DLG2: variants seen among roughly 807,000 people sequenced by gnomAD.
DLG2 encodes disks large homolog 2.
Under a neutral mutation model 132.5 loss-of-function variants are expected in DLG2, and 45 were observed. That is an observed-to-expected ratio of 0.34 (90% CI 0.27 to 0.44). The LOEUF is 0.44. Ranked by LOEUF, DLG2 falls within the 20% of genes least tolerant of loss-of-function variation. DLG2 has a pLI of 1.00. For synonymous variants in DLG2, 424 were observed against 419.6 expected (o/e 1.01, Z -0.13); for missense variants, 1,045 against 1,196.9 (o/e 0.87, Z 1.87).
intron 6 of DLG2, among the ~76,000 whole-genome samples, chr11:85,032,442 A>G (rs1291164210): frequency 1.3e-5 from 2 of 152,202 alleles, no homozygotes; most frequent in Non-Finnish European, 2.9e-5. Context: ...TTGAGAATGA[A>G]TATATGGCAA....
At chr11:83,802,907 G>A (rs983086127) in intron 17 of DLG2, among the ~76,000 whole-genome samples, 3 of 152,042 alleles carry the variant, frequency 2.0e-5, no homozygotes, top group Non-Finnish European at 4.4e-5. Flanking sequence ...GAGAAATGCT[G>A]AAGAGGAGAG....
chr11:85,598,293 A>T (rs547510832), intron 3 of DLG2, among the ~76,000 whole-genome samples: 1 of 152,206 alleles, frequency 6.6e-6, no homozygotes, highest in East Asian at 1.9e-4. Flanking sequence ...ATGTTACACA[A>T]TTCCTTCCCT....
At chr11:83,669,028 A>G (rs2076365175) in intron 18 of DLG2, among the ~76,000 whole-genome samples, 1 of 152,054 alleles carries the variant, frequency 6.6e-6, no homozygotes, top group Non-Finnish European at 1.5e-5. Flanking sequence ...TTATGGCCAA[A>G]GAATTTCCTG....
At chr11:84,613,939 A>T (rs767433159) in intron 6 of DLG2, among the ~76,000 whole-genome samples, 1 of 152,120 alleles carries the variant, frequency 6.6e-6, no homozygotes, top group Non-Finnish European at 1.5e-5. Flanking sequence ...CCTCTCTTTC[A>T]TATTTGTAAA....
chr11:84,704,617 A>G (rs897956067), intron 6 of DLG2, among the ~76,000 whole-genome samples: 2 of 151,620 alleles, frequency 1.3e-5, no homozygotes, highest in South Asian at 4.1e-4. Context: ...TACAACCTAA[A>G]TTTTCTACAT....
In DLG2 at chr11:85,158,429, A is replaced by C. The variant is rs2077755867; in HGVS notation, c.187-3778T>G. ...TGGTTTAATGTAGAGGAAGGGATCC[A>C]AAGGCTTAGGGAGATTGGGATGGTG... On this transcript the variant is annotated intron_variant, in intron 4 of 27. Transcript: ENST00000376104. Among the ~76,000 whole-genome samples, 2 of 152,218 alleles carry C rather than the reference A, an allele frequency of 1.3e-5. 1 individual carries two copies. The highest frequency in any genetic ancestry group is 1.3e-4 in the Admixed American group (2 of 15,280).
At chr11:83,661,821 G>A (rs1342301287) in intron 18 of DLG2, among the ~76,000 whole-genome samples, 1 of 152,136 alleles carries the variant, frequency 6.6e-6, no homozygotes, top group African/African-American at 2.4e-5. Context: ...AAGACATAGT[G>A]ACCTCCTATT....
At chr11:84,042,330 A>G (rs1419300236) in intron 11 of DLG2, among the ~76,000 whole-genome samples, 3 of 151,784 alleles carry the variant, frequency 2.0e-5, no homozygotes, top group Non-Finnish European at 4.4e-5. Context: ...ATTTTGTATG[A>G]TGTCTTAATA....
chr11:85,302,743 G>A lies in DLG2; in HGVS notation c.41-17378C>T, dbSNP rs1596074624. 2.6e-5 allele frequency among the ~76,000 whole-genome samples: 4 copies of A among 152,058 alleles called. 1 individual carries two copies. Among genetic ancestry groups the A allele is most frequent in the Middle Eastern group, 6.9e-3 (2 of 288 alleles). ...ACATTCAGCGTAATAGTAGAGATGAGATTTGGGAGAATGGCTGTTGAGGAT... is the reference window on the plus strand; with the variant it reads ...ACATTCAGCGTAATAGTAGAGATGAAATTTGGGAGAATGGCTGTTGAGGAT... On this transcript the variant is annotated intron_variant, in intron 3 of 27. Coordinates refer to ENST00000376104, the MANE Select transcript of DLG2 (RefSeq NM_001142699.3).
At chr11:84,730,751 A>G (rs956586974) in intron 6 of DLG2, among the ~76,000 whole-genome samples, 2 of 151,988 alleles carry the variant, frequency 1.3e-5, no homozygotes, top group African/African-American at 4.8e-5. Flanking sequence ...CATGAACTAA[A>G]TGAGGTGTCT....
At chr11:84,663,608 A>G (rs1565596819) in intron 6 of DLG2, among the ~76,000 whole-genome samples, 1 of 152,088 alleles carries the variant, frequency 6.6e-6, no homozygotes, top group Non-Finnish European at 1.5e-5. Flanking sequence ...GAGTGACTCT[A>G]GTTTCTTTAG....
chr11:84,126,360 T>C (rs771891015), intron 9 of DLG2, among the ~76,000 whole-genome samples: 1 of 151,966 alleles, frequency 6.6e-6, no homozygotes, highest in Non-Finnish European at 1.5e-5. Flanking sequence ...GAAAATACAG[T>C]AGAAAAAAAT....
chr11:84,759,740 C>G (rs2067352948), intron 6 of DLG2, among the ~76,000 whole-genome samples: 1 of 151,962 alleles, frequency 6.6e-6, no homozygotes, highest in Non-Finnish European at 1.5e-5. Context: ...TCCATTGCAA[C>G]AAAAACTTGT....
intron 11 of DLG2, among the ~76,000 whole-genome samples, chr11:84,038,484 C>T (rs1437353466): frequency 6.6e-6 from 1 of 151,766 alleles, no homozygotes; most frequent in Non-Finnish European, 1.5e-5. Context: ...ATTATAAAAA[C>T]TTTGTGTTTT....
At chr11:83,746,349 T>C (rs1015698325) in intron 18 of DLG2, among the ~76,000 whole-genome samples, 2 of 152,154 alleles carry the variant, frequency 1.3e-5, no homozygotes, top group African/African-American at 4.8e-5. Context: ...AATGATAGAC[T>C]GGATTAGGAA....
chr11:85,336,373 C>T (rs756692858), intron 3 of DLG2: 1 of 153,018 alleles, frequency 6.5e-6, no homozygotes, highest in South Asian at 2.1e-4. Context: ...TCCCCCCCTG[C>T]CAAATTTTTA....
At chr11:84,408,075 C>T (rs144842316) in intron 7 of DLG2, among the ~76,000 whole-genome samples, 1 of 151,678 alleles carries the variant, frequency 6.6e-6, no homozygotes, top group Non-Finnish European at 1.5e-5. Flanking sequence ...CCAGATAGAA[C>T]AATATTTTAA....
At chr11:85,584,800 T>C (rs2078858181) in intron 3 of DLG2, among the ~76,000 whole-genome samples, 1 of 152,240 alleles carries the variant, frequency 6.6e-6, no homozygotes, top group Admixed American at 6.5e-5. Context: ...CCATATCTTC[T>C]TTTGAGAATT....
chr11:84,063,144 ACT>A (rs1379918611), intron 10 of DLG2, among the ~76,000 whole-genome samples: 1 of 152,024 alleles, frequency 6.6e-6, no homozygotes, highest in African/African-American at 2.4e-5. Context: ...ATACAGACTT[ACT>A]CTCCAATCTC....
Sources: gnomAD v4.1 joint callset for allele counts (sites outside exome capture counted in the v4.1 genomes callset) on GRCh38, gnomAD v4.1.1 for gene constraint, MANE v1.5 for transcripts, NCBI Gene and HGNC (gene_info 2026-07-23, HGNC 2026-07-21) for gene names.